Variants in CNTD1 observed in about 807,000 individuals in gnomAD.
The protein encoded by CNTD1 is cyclin N-terminal domain-containing protein 1.
CNTD1 carries 17 observed loss-of-function variants against 36.3 expected under a neutral mutation model. The ratio of observed to expected loss-of-function variants is 0.47; its 90% confidence interval spans 0.32 to 0.70. The LOEUF (loss-of-function observed/expected upper bound fraction) is 0.70. CNTD1 is among the 30% of genes least tolerant of loss of function. CNTD1 has a pLI of 0.03. For synonymous variants in CNTD1, 128 were observed against 153.3 expected, an observed-to-expected ratio of 0.83 and a Z score of 1.22; for missense variants, 338 against 386.1, an observed-to-expected ratio of 0.88 and a Z score of 1.04.
In CNTD1 at chr17:42,807,265, A is replaced by C. The variant is rs1567663327; in HGVS notation, c.725+447A>C. Among the ~76,000 whole-genome samples, 3 of 152,088 alleles carry C rather than the reference A, an allele frequency of 2.0e-5. No homozygotes were observed. The South Asian group carries it at 6.2e-4, about 32-fold the overall frequency. ...CACGTTTCCACTAAAAATACAAAAA[A>C]TTAGCCGGGCGTGGTGGCGGGCACC... On this transcript the variant is annotated intron_variant, in intron 5 of 6. Transcript: ENST00000588408.
Position 42,810,645 on chromosome 17 carries a change from T to C in CNTD1, c.*1110T>C. The C allele has an allele frequency of 8.7e-7, 1 of 1,155,356 alleles. No homozygotes were observed. Among genetic ancestry groups the C allele is most frequent in the South Asian group, 2.1e-5 (1 of 48,762 alleles). The allele number at this position is 1,155,356 out of a possible 1,614,324, so 71.6% of individuals were successfully genotyped here. A position where few individuals can be genotyped will look rare whatever the true frequency, so the allele number is the denominator to read the frequency against. ...AAAGTGGCTTTTGTGGATTTTTTCT[T>C]TTTTGGTATTGTAAACATGTACTGT... On this transcript the variant is annotated 3_prime_UTR_variant, in exon 7 of 7. Transcript: ENST00000588408.
At chr17:42,807,927 T>C (rs1409038754) in intron 6 of CNTD1, 63 bp downstream of exon 6, 2 of 1,294,002 alleles carry the variant, frequency 1.5e-6, no homozygotes, top group Non-Finnish European at 2.2e-6. Context: ...ATTTCACCCA[T>C]CAGTTAAAGG....
Position 42,805,901 on chromosome 17 carries a change from G to A in CNTD1, c.580+17G>A, listed in dbSNP as rs773508006. The A allele has an allele frequency of 6.2e-7, 1 of 1,600,044 alleles. No homozygotes were observed. The highest frequency in any genetic ancestry group is 8.5e-7 in the Non-Finnish European group (1 of 1,173,252). On this transcript the variant is annotated intron_variant, in intron 4 of 6. Transcript: ENST00000588408. Reference sequence around the variant, plus strand: ...AGGTTTTAGGTATCTTACTGTGTTAGGGAATATGGGTTGGAGACTTCCATA... The same window carrying A: ...AGGTTTTAGGTATCTTACTGTGTTAAGGAATATGGGTTGGAGACTTCCATA...
intron 2 of CNTD1, 48 bp downstream of exon 2, chr17:42,803,743 T>A: frequency 7.1e-7 from 1 of 1,410,258 alleles, no homozygotes; most frequent in Non-Finnish European, 1.0e-6. Context: ...TCAGAGTGGC[T>A]AATGTACCTA....
At chr17:42,803,596 G>T in intron 1 of CNTD1, 24 bp from the exon 2 acceptor site, 1 of 1,602,946 alleles carries the variant, frequency 6.2e-7, no homozygotes, top group South Asian at 1.1e-5. Context: ...TTGTGAATTA[G>T]GCTCTTTTTT....
intron 1 of CNTD1, among the ~76,000 whole-genome samples, chr17:42,800,324 T>C (rs1000388767): frequency 6.6e-6 from 1 of 151,516 alleles, no homozygotes; most frequent in African/African-American, 2.4e-5. Context: ...AAGGAGGACA[T>C]TGGGTTGGTG....
intron 3 of CNTD1, chr17:42,805,440 G>A: frequency 8.2e-6 from 2 of 245,298 alleles, no homozygotes; most frequent in Non-Finnish European, 1.6e-5. Context: ...GGGGTGGGTG[G>A]GAGATGGGAG....
Position 42,798,881 on chromosome 17 carries a change from G to A in CNTD1, c.-187G>A, listed in dbSNP as rs2054720130. ...TGGCTGAGGAGTCCGTGGCCGTTGG[G>A]GCGGGAAAAAGCTGTGGAGGGTTCG... On this transcript the variant is annotated 5_prime_UTR_variant, in exon 1 of 7. Coordinates refer to ENST00000588408, the MANE Select transcript of CNTD1 (RefSeq NM_173478.3). The A allele has an allele frequency of 6.9e-7, 1 of 1,440,462 alleles. No individual in the cohort carries two copies. The highest frequency in any genetic ancestry group is 1.5e-5 in the South Asian group (1 of 67,248). 89.2% of individuals were successfully genotyped at this position (1,440,462 alleles called of 1,614,324 possible).
intron 5 of CNTD1, among the ~76,000 whole-genome samples, 172 bp from the exon 6 acceptor site, chr17:42,807,596 G>A (rs997217710): frequency 2.0e-5 from 3 of 152,188 alleles, no homozygotes; most frequent in Non-Finnish European, 4.4e-5. Context: ...CAGTTAAGTT[G>A]GGGGAGAATG....
Position 42,806,848 on chromosome 17 carries a change from T to C in CNTD1, c.725+30T>C, listed in dbSNP as rs368171789. On this transcript the variant is annotated intron_variant, in intron 5 of 6. Coordinates refer to ENST00000588408, the MANE Select transcript of CNTD1 (RefSeq NM_173478.3). ...GACAACTCCTATAGGGTAGGCTCCTTCCAGGAACAGGGAAGGGGAGACAGA... is the reference window on the plus strand; with the variant it reads ...GACAACTCCTATAGGGTAGGCTCCTCCCAGGAACAGGGAAGGGGAGACAGA... 8 of 1,610,566 alleles carry C rather than the reference T, an allele frequency of 5.0e-6. No individual in the cohort carries two copies. The African/African-American group carries it at 1.1e-4, about 22-fold the overall frequency.
At position 42,799,090 on chromosome 17, in the gene CNTD1, G is replaced by A. The variant is rs576984150; in HGVS notation, c.23G>A (p.Arg8Gln). The A allele has an allele frequency of 9.6e-5, 155 of 1,614,008 alleles. 1 individual carries two copies. The South Asian group carries it at 1.5e-3, about 15-fold the overall frequency. ...AATATGGACGGACCCATGAGGCCAC[G>A]ATCGGCCTCCCTCGTTGACTTTCAG... Reference protein sequence around the residue: MDGPMRPRSASLVDFQFG... With the variant: MDGPMRPQSASLVDFQFG... The change falls in exon 1 of 7, where the codon CGA becomes CAA. Residue 8 changes from arginine (R) to glutamine (Q), a missense_variant. Transcript: ENST00000588408.
intron 4 of CNTD1, 147 bp downstream of exon 4, chr17:42,806,031 C>A: frequency 1.6e-6 from 1 of 644,722 alleles, no homozygotes. Context: ...AGTTCAAGAC[C>A]AGCCTGGGCA....
Position 42,809,670 on chromosome 17 carries a change from T to C in CNTD1, c.*135T>C. The C allele has an allele frequency of 1.3e-6, 1 of 778,178 alleles. No homozygotes were observed. Among genetic ancestry groups the C allele is most frequent in the African/African-American group, 1.8e-5 (1 of 56,664 alleles). 48.2% of individuals were successfully genotyped at this position (778,178 alleles called of 1,614,324 possible). A position where few individuals can be genotyped will look rare whatever the true frequency, so the allele number is the denominator to read the frequency against. ...ATTTTGTATGCCAATTTCATGCTTATTTTTCCTTTATCAGAGAGAGTTAAG... is the reference window on the plus strand; with the variant it reads ...ATTTTGTATGCCAATTTCATGCTTACTTTTCCTTTATCAGAGAGAGTTAAG... On this transcript the variant is annotated 3_prime_UTR_variant, in exon 7 of 7. Coordinates refer to ENST00000588408, the MANE Select transcript of CNTD1 (RefSeq NM_173478.3).
intron 3 of CNTD1, among the ~76,000 whole-genome samples, chr17:42,804,615 CT>C (rs1423236252): frequency 1.3e-5 from 2 of 152,160 alleles, no homozygotes; most frequent in African/African-American, 4.8e-5. Context: ...CAAGACCAGC[CT>C]TGCCAACATG....
chr17:42,804,152 T>C (rs2054838337), intron 2 of CNTD1, 73 bp from the exon 3 acceptor site: 2 of 1,414,546 alleles, frequency 1.4e-6, no homozygotes, highest in Admixed American at 2.0e-5. Flanking sequence ...AATGTAAATT[T>C]CTTAACCAGC....
rs533730711 is a variant in CNTD1 at position 42,810,963 on chromosome 17, G to A, written c.*1428G>A. The A allele has an allele frequency of 3.9e-6, 6 of 1,535,168 alleles. No individual in the cohort carries two copies. The East Asian group carries it at 9.4e-5, about 24-fold the overall frequency. On this transcript the variant is annotated 3_prime_UTR_variant, in exon 7 of 7. Transcript: ENST00000588408. ...GACAGAGCAAAACTCATTAGTAACT[G>A]AGATCTGAGTTAAGTAAGTTCGGGG... is the stretch of plus-strand genomic sequence containing the variant.
At position 42,809,534 on chromosome 17, in the gene CNTD1, G is replaced by A. The variant is rs772144760; in HGVS notation, c.992G>A (p.Ter331=). 1.2e-6 allele frequency: 2 copies of A among 1,613,648 alleles called. No homozygotes were observed. Among genetic ancestry groups the A allele is most frequent in the Admixed American group, 1.7e-5 (1 of 59,990 alleles). ...AAGACTGTTGCTTCCTCTAACACAT[G>A]AGGGAGGCTGAATCCACCAAATATA... The part of the protein sequence containing the change: ...ALKTVASSNT[*] The change falls in exon 7 of 7, where the codon TGA becomes TAA. Residue 331 remains the stop codon, a stop_retained_variant. Coordinates refer to ENST00000588408, the MANE Select transcript of CNTD1 (RefSeq NM_173478.3).
At chr17:42,807,263 A>C (rs1435088417) in intron 5 of CNTD1, among the ~76,000 whole-genome samples, 1 of 152,054 alleles carries the variant, frequency 6.6e-6, no homozygotes, top group Non-Finnish European at 1.5e-5. Context: ...AAAATACAAA[A>C]AATTAGCCGG....
At position 42,810,204 on chromosome 17, in the gene CNTD1, A is replaced by T. The variant is rs1042137445; in HGVS notation, c.*669A>T. On this transcript the variant is annotated 3_prime_UTR_variant, in exon 7 of 7. Transcript: ENST00000588408. ...TCTCCATAATGTCTCAAACAGTATC[A>T]AACACCATTTCATATCTCTAACACA... is the stretch of plus-strand genomic sequence containing the variant. The T allele has an allele frequency of 2.6e-5, 4 of 153,042 alleles. No individual in the cohort carries two copies. Among genetic ancestry groups the T allele is most frequent in the Admixed American group, 2.6e-4 (4 of 15,308 alleles). The allele number at this position is 153,042 out of a possible 1,614,324, so 9.5% of individuals were successfully genotyped here.
Sources: gnomAD v4.1 joint callset for allele counts (sites outside exome capture counted in the v4.1 genomes callset) on GRCh38, gnomAD v4.1.1 for gene constraint, MANE v1.5 for transcripts, NCBI Gene and HGNC (gene_info 2026-07-23, HGNC 2026-07-21) for gene names.